MAST4: variants seen among roughly 807,000 people sequenced by gnomAD.
MAST4 encodes the protein microtubule-associated serine/threonine-protein kinase 4.
In MAST4, 89 loss-of-function variants were observed where a neutral mutation model predicts 162.7. That is an observed-to-expected ratio of 0.55 (90% CI 0.46 to 0.65). MAST4 has a LOEUF of 0.65. Among genes scored for constraint, MAST4 ranks in the 30% least tolerant of loss-of-function variants. MAST4 has a pLI of 0.00. For synonymous variants in MAST4, 1,479 were observed against 1,361.1 expected, an observed-to-expected ratio of 1.09 and a Z score of -1.91; for missense variants, 3,153 against 3,374.0, an observed-to-expected ratio of 0.93 and a Z score of 1.62.
At chr5:66,802,901 C>G (rs1461509716) in intron 3 of MAST4, among the ~76,000 whole-genome samples, 1 of 152,056 alleles carries the variant, frequency 6.6e-6, no homozygotes, top group East Asian at 1.9e-4. Flanking sequence ...GATTTTTATT[C>G]AGTGGTTTGG....
At chr5:67,109,443 G>A (rs772155482) in intron 10 of MAST4, among the ~76,000 whole-genome samples, 6 of 151,612 alleles carry the variant, frequency 4.0e-5, no homozygotes, top group African/African-American at 7.3e-5. Flanking sequence ...ATGAGACTTC[G>A]ATCCCCTCCT....
intron 4 of MAST4, among the ~76,000 whole-genome samples, chr5:67,006,628 A>ATG (rs956819600): frequency 2.0e-5 from 3 of 152,176 alleles, no homozygotes; most frequent in African/African-American, 7.2e-5. Flanking sequence ...CTGGCATCGT[A>ATG]TGTGTGTGTC....
chr5:66,825,651 T>C (rs1163670909), intron 3 of MAST4, among the ~76,000 whole-genome samples: 8 of 152,238 alleles, frequency 5.3e-5, no homozygotes, highest in South Asian at 2.1e-4. Flanking sequence ...ATTGCAATAA[T>C]TCTTAAAATT....
chr5:67,163,611 G>A lies in MAST4; in HGVS notation c.4432G>A (p.Glu1478Lys), dbSNP rs1303361662. ...LEVTQEEVQR[E>K]QSQREAPLQS... ...GGTGACCCAAGAGGAGGTGCAGCGG[G>A]AGCAGTCCCAGCGGGAGGCGCCGCT... is the stretch of plus-strand genomic sequence containing the variant. The change falls in exon 29 of 29, where the codon GAG (glutamate) becomes AAG (lysine). Residue 1478 changes from glutamate to lysine, a missense_variant. Glu to Lys is a moderately conservative substitution (Grantham distance 56, BLOSUM62 1). Coordinates refer to ENST00000403625, the MANE Select transcript of MAST4 (RefSeq NM_001164664.2). This position sits in a 1 kb window ranked among gnomAD's most constrained non-coding sequence, Gnocchi z 7.0. 2 of 1,602,534 alleles carry A rather than the reference G, an allele frequency of 1.2e-6. No homozygotes were observed. The highest frequency in any genetic ancestry group is 8.5e-7 in the Non-Finnish European group (1 of 1,175,200).
rs200930951 is a variant in MAST4 at position 67,163,847 on chromosome 5, A to T, written c.4668A>T (p.Gly1556=). 1.0e-4 allele frequency: 168 copies of T among 1,613,434 alleles called. No homozygotes were observed. The highest frequency in any genetic ancestry group is 1.4e-4 in the Non-Finnish European group (167 of 1,179,532). The change falls in exon 29 of 29, where the codon GGA becomes GGT. Residue 1556 remains glycine (G), a synonymous_variant. Coordinates refer to ENST00000403625, the MANE Select transcript of MAST4 (RefSeq NM_001164664.2). The surrounding 1 kb of genome is among the most constrained non-coding windows in gnomAD (Gnocchi z 7.0). ...EKQESHQKSH[G]PGSDLENFAL... ...AGGAATCCCACCAGAAATCCCATGG[A>T]CCCGGGAGTGATTTGGAAAACTTTG... is the stretch of plus-strand genomic sequence containing the variant.
intron 1 of MAST4, among the ~76,000 whole-genome samples, chr5:66,755,436 CAGTT>C (rs1230545274): frequency 6.6e-6 from 1 of 152,148 alleles, no homozygotes; most frequent in Non-Finnish European, 1.5e-5. Context: ...AGAAAATTGT[CAGTT>C]AAGAGGCTGA....
At chr5:66,871,023 T>C (rs1464456528) in intron 3 of MAST4, among the ~76,000 whole-genome samples, 1 of 152,200 alleles carries the variant, frequency 6.6e-6, no homozygotes, top group Non-Finnish European at 1.5e-5. Flanking sequence ...ACGTCAGTGG[T>C]GTTCTGGTAA....
chr5:66,654,273 A>G (rs373334268), intron 1 of MAST4, among the ~76,000 whole-genome samples: 233 of 152,338 alleles, frequency 1.5e-3, no homozygotes, highest in African/African-American at 5.2e-3. Flanking sequence ...ATCCTCCTTT[A>G]AGCAGTCAGA....
At chr5:66,616,000 C>A (rs999378717) in intron 1 of MAST4, among the ~76,000 whole-genome samples, 12 of 152,332 alleles carry the variant, frequency 7.9e-5, no homozygotes, top group African/African-American at 2.2e-4. Flanking sequence ...CCTTTCCAGT[C>A]TGCCAGCTAC....
intron 3 of MAST4, among the ~76,000 whole-genome samples, chr5:66,828,056 AATG>A (rs1294570656): frequency 6.6e-6 from 1 of 152,212 alleles, no homozygotes; most frequent in African/African-American, 2.4e-5. Flanking sequence ...TATTCCAACT[AATG>A]ATGGCTCTTA....
intron 5 of MAST4, among the ~76,000 whole-genome samples, chr5:67,078,936 AT>A (rs1561622681): frequency 9.9e-6 from 1 of 101,356 alleles, no homozygotes; most frequent in African/African-American, 4.4e-5. Context: ...ATATATATAT[AT>A]ATATATATAT....
chr5:66,688,503 C>T (rs1748835402), intron 1 of MAST4, among the ~76,000 whole-genome samples: 1 of 152,182 alleles, frequency 6.6e-6, no homozygotes, highest in Non-Finnish European at 1.5e-5. Flanking sequence ...AGAAGTTGAA[C>T]TAGAGGGGGT....
chr5:67,110,103 T>C lies in MAST4; in HGVS notation c.1362T>C (p.His454=). 1.2e-6 allele frequency: 2 copies of C among 1,612,184 alleles called. No individual in the cohort carries two copies. The highest frequency in any genetic ancestry group is 1.3e-5 in the African/African-American group (1 of 75,020). Residue 454 remains histidine, a synonymous_variant, in exon 11 of 29, where the codon CAT becomes CAC. Transcript: ENST00000403625. ...TCTTTATTGCTTTTTCATAGGCTCA[T>C]GATCGTTCAGAAAGTGGAGAATTGG... ...HKLDKLLQEA[H]DRSESGELAF...
At chr5:66,926,277 G>A (rs1209872891) in intron 4 of MAST4, among the ~76,000 whole-genome samples, 2 of 152,214 alleles carry the variant, frequency 1.3e-5, no homozygotes, top group African/African-American at 4.8e-5. Context: ...GCTGGGCGCG[G>A]TGGCTCATGC....
intron 5 of MAST4, among the ~76,000 whole-genome samples, chr5:67,078,829 T>G (rs1338609369): frequency 4.0e-5 from 5 of 124,976 alleles, no homozygotes; most frequent in African/African-American, 1.6e-4. Context: ...TATATTTATA[T>G]TTATATATTT....
chr5:67,022,680 C>T (rs1024784607), intron 4 of MAST4, among the ~76,000 whole-genome samples: 2 of 152,100 alleles, frequency 1.3e-5, no homozygotes, highest in African/African-American at 4.8e-5. Context: ...GTTTACTTTT[C>T]CCCTTTAACA....
At chr5:66,703,234 C>T (rs937548813) in intron 1 of MAST4, among the ~76,000 whole-genome samples, 16 of 152,042 alleles carry the variant, frequency 1.1e-4, no homozygotes, top group Admixed American at 5.2e-4. Flanking sequence ...CAAACAGATT[C>T]GGGAAGAAGA....
chr5:66,775,238 G>T (rs1754542564), intron 2 of MAST4, among the ~76,000 whole-genome samples: 1 of 152,092 alleles, frequency 6.6e-6, no homozygotes, highest in African/African-American at 2.4e-5. Context: ...AAATGACCTG[G>T]CTTTCAAGCT....
chr5:66,906,363 T>C (rs772735462), intron 4 of MAST4, among the ~76,000 whole-genome samples: 1 of 152,212 alleles, frequency 6.6e-6, no homozygotes, highest in African/African-American at 2.4e-5. Flanking sequence ...GAATTTTATA[T>C]TTGGTTGACA....
Sources: allele counts gnomAD v4.1 joint callset (sites outside exome capture counted in the v4.1 genomes callset), GRCh38; gene constraint gnomAD v4.1.1; non-coding constraint Gnocchi (gnomAD v3.1); transcripts MANE v1.5; gene names NCBI Gene and HGNC (gene_info 2026-07-23, HGNC 2026-07-21).